The following SASH1 variants were observed in gnomAD, a reference collection of about 807,000 sequenced individuals.
SASH1 encodes SAM and SH3 domain containing 1, also known as SAM and SH3 domain-containing protein 1.
Under a neutral mutation model 125.2 loss-of-function variants are expected in SASH1, and 44 were observed. The observed-to-expected ratio is 0.35, with a 90% confidence interval of 0.28 to 0.45. The LOEUF (loss-of-function observed/expected upper bound fraction) is 0.45, where lower values mean the gene tolerates loss of function less well. SASH1 is among the 20% of genes least tolerant of loss of function. SASH1 has a pLI of 1.00. For missense variants in SASH1, 1,426 were observed against 1,614.5 expected (o/e 0.88, Z 2.00); for synonymous variants, 639 against 649.1 (o/e 0.98, Z 0.24).
rs749729432 is a variant in SASH1 at position 148,533,988 on chromosome 6, G to A, written c.1944+8G>A. ...GATCGGATTAACCTAAAAGTCAGTC[G>A]CTTCTGATTCTTGTCACACGCTACT... On this transcript the variant is annotated splice_region_variant and intron_variant, in intron 15 of 19. Coordinates refer to ENST00000367467, the MANE Select transcript of SASH1 (RefSeq NM_015278.5). The surrounding 1 kb of genome is among the most constrained non-coding windows in gnomAD (Gnocchi z 6.2). 1.9e-5 allele frequency: 30 copies of A among 1,612,734 alleles called. No homozygotes were observed. The highest frequency in any genetic ancestry group is 2.7e-5 in the African/African-American group (2 of 74,884).
chr6:148,443,166 A>C (rs1776620422), intron 4 of SASH1, among the ~76,000 whole-genome samples: 1 of 105,432 alleles, frequency 9.5e-6, no homozygotes, highest in Non-Finnish European at 2.1e-5. Flanking sequence ...AAAAAAAAAA[A>C]TGGCTCACGG....
chr6:148,505,925 C>T (rs1779775387), intron 8 of SASH1, among the ~76,000 whole-genome samples: 1 of 151,830 alleles, frequency 6.6e-6, no homozygotes, highest in South Asian at 2.1e-4. Context: ...TGTGAGCCAC[C>T]GCGCCCAGCT....
chr6:148,373,620 A>AGAGGGTGCTT (rs1187562422), intron 1 of SASH1, among the ~76,000 whole-genome samples: 1 of 152,142 alleles, frequency 6.6e-6, no homozygotes, highest in Non-Finnish European at 1.5e-5. Flanking sequence ...TGTTGTGTTT[A>AGAGGGTGCTT]GAGGGTGCTT....
At chr6:148,206,790 A>T in the SASH1 span, among the ~76,000 whole-genome samples, 1 of 95,894 alleles carries the variant, frequency 1.0e-5, no homozygotes, top group Non-Finnish European at 2.0e-5. Flanking sequence ...ACTCCATCTC[A>T]AAGCACACAC....
At chr6:148,376,069 A>T (rs1428878142) in intron 1 of SASH1, among the ~76,000 whole-genome samples, 1 of 151,744 alleles carries the variant, frequency 6.6e-6, no homozygotes, top group Admixed American at 6.6e-5. Context: ...TTTCTTTCTG[A>T]TTTTGTTTTT....
chr6:148,464,231 C>T (rs532370267), intron 4 of SASH1, among the ~76,000 whole-genome samples: 1 of 152,258 alleles, frequency 6.6e-6, no homozygotes, highest in East Asian at 1.9e-4. Context: ...GACACTTAAG[C>T]AGATAGATTT....
chr6:148,195,343 A>G, the SASH1 span, among the ~76,000 whole-genome samples: 1 of 152,260 alleles, frequency 6.6e-6, no homozygotes, highest in Non-Finnish European at 1.5e-5. Flanking sequence ...CTGGCTCCAG[A>G]GTCCTAAACC....
intron 2 of SASH1, among the ~76,000 whole-genome samples, chr6:148,428,033 A>G (rs947510022): frequency 1.3e-5 from 2 of 152,204 alleles, no homozygotes; most frequent in Non-Finnish European, 2.9e-5. Context: ...TTACTCAGAG[A>G]AAGAGCCATT....
intron 4 of SASH1, among the ~76,000 whole-genome samples, chr6:148,461,835 A>G (rs1194066594): frequency 6.6e-6 from 1 of 152,244 alleles, no homozygotes; most frequent in Non-Finnish European, 1.5e-5. Flanking sequence ...GAAATATTAA[A>G]TTGAGGAATT....
intron 1 of SASH1, among the ~76,000 whole-genome samples, chr6:148,361,254 C>CT (rs534770516): frequency 3.7e-4 from 56 of 152,322 alleles, no homozygotes; most frequent in African/African-American, 1.3e-3. Context: ...GATGGCTGCT[C>CT]TATTACCACA....
intron 4 of SASH1, among the ~76,000 whole-genome samples, chr6:148,463,163 A>T (rs1777692645): frequency 6.7e-6 from 1 of 148,972 alleles, no homozygotes; most frequent in South Asian, 2.1e-4. Context: ...TTTTTTTTTT[A>T]AGATGGAGTC....
intron 1 of SASH1, among the ~76,000 whole-genome samples, chr6:148,322,145 G>A (rs1310206328): frequency 6.6e-6 from 1 of 152,074 alleles, no homozygotes; most frequent in African/African-American, 2.4e-5. Context: ...GAGGTCAGGA[G>A]TTCGAGACCA....
chr6:148,321,407 A>AG (rs1468769225), intron 1 of SASH1, among the ~76,000 whole-genome samples: 3 of 146,014 alleles, frequency 2.1e-5, no homozygotes, highest in Non-Finnish European at 4.5e-5. Context: ...AAAAAAAAAA[A>AG]AGTAATGGCA....
intron 1 of SASH1, among the ~76,000 whole-genome samples, chr6:148,300,669 G>A (rs139666378): frequency 0.017 from 2,530 of 151,952 alleles, 66 homozygotes; most frequent in African/African-American, 0.058. Flanking sequence ...TTTTAGTAAA[G>A]ACGGGGTTTT....
chr6:148,516,502 CTCCCCCCT>C (rs779580504), intron 9 of SASH1, among the ~76,000 whole-genome samples: 2 of 131,646 alleles, frequency 1.5e-5, no homozygotes, highest in South Asian at 6.1e-4. Flanking sequence ...CCCCTCCCCC[CTCCCCCCT>C]CCCCCGCCCT....
chr6:148,325,794 C>A (rs1361908936), intron 1 of SASH1, among the ~76,000 whole-genome samples: 1 of 151,996 alleles, frequency 6.6e-6, no homozygotes, highest in African/African-American at 2.4e-5. Context: ...ACTTTTTAGC[C>A]CCTACATGCT....
chr6:148,235,529 G>C, the SASH1 span, among the ~76,000 whole-genome samples: 1 of 151,954 alleles, frequency 6.6e-6, no homozygotes, highest in East Asian at 1.9e-4. Context: ...GTATTTGTGC[G>C]TGGTTTTACA....
At chr6:148,516,528 A>ACAAAGGGTTGATCCTTTGACTTC (rs1780452557) in intron 9 of SASH1, among the ~76,000 whole-genome samples, 1 of 117,046 alleles carries the variant, frequency 8.5e-6, no homozygotes, top group Non-Finnish European at 1.6e-5. Flanking sequence ...CCTTGGACTT[A>ACAAAGGGTTGATCCTTTGACTTC]CAAAGGGTTG....
At chr6:148,493,335 C>T (rs1422806162) in intron 8 of SASH1, among the ~76,000 whole-genome samples, 1 of 152,156 alleles carries the variant, frequency 6.6e-6, no homozygotes, top group African/African-American at 2.4e-5. Context: ...GGCCAGAAAC[C>T]CCATCCAAAA....
Sources: allele counts gnomAD v4.1 joint callset (sites outside exome capture counted in the v4.1 genomes callset), GRCh38; gene constraint gnomAD v4.1.1; non-coding constraint Gnocchi (gnomAD v3.1); transcripts MANE v1.5; gene names NCBI Gene and HGNC (gene_info 2026-07-23, HGNC 2026-07-21).